The following NINJ2 variants were observed in gnomAD, a reference collection of about 807,000 sequenced individuals.
The protein encoded by NINJ2 is ninjurin 2.
In NINJ2, 12 loss-of-function variants were observed where a neutral mutation model predicts 11.7. The ratio of observed to expected loss-of-function variants is 1.02; its 90% confidence interval spans 0.66 to 1.66. NINJ2 has a LOEUF of 1.66. Among genes scored for constraint, NINJ2 ranks in the 40% most tolerant of loss-of-function variants. The pLI, the probability that NINJ2 is intolerant of heterozygous loss-of-function variation, is 0.00. For missense variants in NINJ2, 187 were observed against 181.8 expected (o/e 1.03, Z -0.16); for synonymous variants, 93 against 76.8 (o/e 1.21, Z -1.10).
rs979330897 is a variant in NINJ2 at position 622,139 on chromosome 12, A to G, written c.33+41189T>C. 2.5e-4 allele frequency among the ~76,000 whole-genome samples: 27 copies of G among 108,094 alleles called. No homozygotes were observed. In the South Asian group the frequency reaches 7.7e-3, roughly 31 times the overall value. The allele number at this position is 108,094 out of a possible 152,430, so 70.9% of individuals were successfully genotyped here. On this transcript the variant is annotated intron_variant, in intron 1 of 3. Coordinates refer to ENST00000305108, the MANE Select transcript of NINJ2 (RefSeq NM_016533.6). ...TGTGTCGGGAAAAAAAAAAAAAAAAAGGCCAGGCGCAGTGGCTCATGCCTG... is the reference window on the plus strand; with the variant it reads ...TGTGTCGGGAAAAAAAAAAAAAAAAGGGCCAGGCGCAGTGGCTCATGCCTG...
chr12:604,237 C>A (rs1184536402), intron 1 of NINJ2, among the ~76,000 whole-genome samples: 1 of 152,170 alleles, frequency 6.6e-6, no homozygotes, highest in Non-Finnish European at 1.5e-5. Context: ...GCTATCTTAA[C>A]AACAGTAAAG....
At chr12:647,843 A>G (rs1333264597) in intron 1 of NINJ2, among the ~76,000 whole-genome samples, 1 of 152,136 alleles carries the variant, frequency 6.6e-6, no homozygotes, top group Non-Finnish European at 1.5e-5. Flanking sequence ...TGTTCCAGGG[A>G]CCACATTTGA....
intron 1 of NINJ2, among the ~76,000 whole-genome samples, chr12:646,901 G>A (rs1324071996): frequency 6.6e-6 from 1 of 151,166 alleles, no homozygotes; most frequent in African/African-American, 2.4e-5. Context: ...CTGGAGAGGC[G>A]CAGGGGTTTT....
At chr12:575,018 G>A (rs929849853) in intron 1 of NINJ2, among the ~76,000 whole-genome samples, 1 of 152,216 alleles carries the variant, frequency 6.6e-6, no homozygotes, top group Non-Finnish European at 1.5e-5. Context: ...TCCCACGTGT[G>A]GGCCTAGAGG....
intron 1 of NINJ2, among the ~76,000 whole-genome samples, chr12:601,364 G>A (rs181601255): frequency 0.12 from 17,339 of 149,904 alleles, 1,201 homozygotes; most frequent in Non-Finnish European, 0.16. Flanking sequence ...GGCTAACACA[G>A]TGAAACCCCG....
intron 1 of NINJ2, among the ~76,000 whole-genome samples, chr12:654,287 G>A (rs1465847272): frequency 2.6e-5 from 4 of 152,136 alleles, no homozygotes; most frequent in African/African-American, 9.7e-5. Flanking sequence ...ACTTTGGGAG[G>A]CCGAGGTGGG....
rs56102442 is a variant in NINJ2 at position 659,077 on chromosome 12, T to TTA, written c.33+4249_33+4250dup. Among the ~76,000 whole-genome samples the TTA allele has an allele frequency of 2.9e-4, 42 of 147,142 alleles. 1 individual carries two copies. Among genetic ancestry groups the TTA allele is most frequent in the South Asian group, 1.3e-3 (6 of 4,716 alleles). On this transcript the variant is annotated intron_variant, in intron 1 of 3. Transcript: ENST00000305108. ...TAATATATATATAATATATAACTGC[T>TTA]TATATATATATATGTCTTTAAAAAC...
At chr12:622,276 G>C (rs779374567) in intron 1 of NINJ2, among the ~76,000 whole-genome samples, 1 of 151,438 alleles carries the variant, frequency 6.6e-6, no homozygotes, top group African/African-American at 2.4e-5. Flanking sequence ...CGGGTGCGGT[G>C]GTGGGTGCCT....
At chr12:599,950 C>T (rs955580859) in intron 1 of NINJ2, among the ~76,000 whole-genome samples, 2 of 152,194 alleles carry the variant, frequency 1.3e-5, no homozygotes, top group East Asian at 1.9e-4. Flanking sequence ...TGGCCCAGCC[C>T]GCCTCCTTCT....
Position 585,036 on chromosome 12 carries a change from T to G in NINJ2, c.34-18858A>C, listed in dbSNP as rs1288858359. The stretch of plus-strand genomic sequence containing the variant: ...TGGGAGGCTGAGGCAGGAGAATCAC[T>G]TGAACCGGGGAGGCGGAGGTTGAAG... On this transcript the variant is annotated intron_variant, in intron 1 of 3. Coordinates refer to ENST00000305108, the MANE Select transcript of NINJ2 (RefSeq NM_016533.6). The surrounding 1 kb of genome is among the most constrained non-coding windows in gnomAD (Gnocchi z 4.1). Among the ~76,000 whole-genome samples the G allele has an allele frequency of 6.6e-6, 1 of 152,150 alleles. No homozygotes were observed. Among genetic ancestry groups the G allele is most frequent in the Non-Finnish European group, 1.5e-5 (1 of 68,006 alleles).
chr12:656,604 C>T (rs1296242096), intron 1 of NINJ2, among the ~76,000 whole-genome samples: 1 of 151,568 alleles, frequency 6.6e-6, no homozygotes, highest in Non-Finnish European at 1.5e-5. Flanking sequence ...CAAAAATTAG[C>T]CAGATGTGGT....
intron 1 of NINJ2, among the ~76,000 whole-genome samples, chr12:604,751 T>C (rs1054927612): frequency 3.3e-5 from 5 of 151,768 alleles, no homozygotes; most frequent in Non-Finnish European, 7.4e-5. Flanking sequence ...GCAAGGGAGG[T>C]AGGGACGAGG....
At chr12:662,019 G>A (rs1175420302) in intron 1 of NINJ2, among the ~76,000 whole-genome samples, 1 of 152,230 alleles carries the variant, frequency 6.6e-6, no homozygotes, top group Admixed American at 6.5e-5. Flanking sequence ...GTAACTTTAG[G>A]TGGTGAGCAG....
chr12:601,284 C>T (rs373816309), intron 1 of NINJ2, among the ~76,000 whole-genome samples: 19 of 152,338 alleles, frequency 1.2e-4, no homozygotes, highest in African/African-American at 2.2e-4. Flanking sequence ...CAGTGGCTCA[C>T]GCCTGTAATC....
intron 1 of NINJ2, among the ~76,000 whole-genome samples, chr12:611,281 CTTTCT>C (rs1254338346): frequency 1.4e-5 from 2 of 147,616 alleles, no homozygotes; most frequent in Admixed American, 1.4e-4. Context: ...TTCTCTCTCT[CTTTCT>C]TTCTCTTCCT....
intron 1 of NINJ2, among the ~76,000 whole-genome samples, chr12:571,448 G>C (rs1397309922): frequency 6.6e-6 from 1 of 151,980 alleles, no homozygotes. Flanking sequence ...GATGAGGCAG[G>C]GGGGTGGGGG....
At chr12:595,722 C>T (rs1947776337) in intron 1 of NINJ2, among the ~76,000 whole-genome samples, 1 of 151,924 alleles carries the variant, frequency 6.6e-6, no homozygotes, top group Non-Finnish European at 1.5e-5. Context: ...CATTGCACTC[C>T]AGCCTGGGCA....
At chr12:576,577 C>T (rs983602335) in intron 1 of NINJ2, among the ~76,000 whole-genome samples, 2 of 152,232 alleles carry the variant, frequency 1.3e-5, no homozygotes, top group African/African-American at 2.4e-5. Flanking sequence ...TCACTGCAGC[C>T]TCAACCTCGG....
chr12:569,290 T>C (rs889394405), intron 1 of NINJ2, among the ~76,000 whole-genome samples: 5 of 152,184 alleles, frequency 3.3e-5, no homozygotes, highest in Admixed American at 6.5e-5. Context: ...ATGGTCGCCG[T>C]CAGCCCCAAG....
Sources: allele counts gnomAD v4.1 joint callset (sites outside exome capture counted in the v4.1 genomes callset), GRCh38; gene constraint gnomAD v4.1.1; non-coding constraint Gnocchi (gnomAD v3.1); transcripts MANE v1.5; gene names NCBI Gene and HGNC (gene_info 2026-07-23, HGNC 2026-07-21).